NIPBL: variants seen among roughly 807,000 people sequenced by gnomAD.
The protein encoded by NIPBL is nipped-B-like protein.
A neutral mutation model predicts 321.8 loss-of-function variants in NIPBL; 19 were observed. The ratio of observed to expected loss-of-function variants is 0.06; its 90% CI spans 0.04 to 0.09. The LOEUF is 0.09. Ranked by LOEUF, NIPBL falls within the 10% of genes least tolerant of loss-of-function variation. The probability of loss-of-function intolerance (pLI) is 1.00; values close to 1 mark genes in which losing one functional copy is unlikely to be tolerated. For synonymous variants in NIPBL, 1,106 were observed against 1,114.1 expected, an observed-to-expected ratio of 0.99 and a Z score of 0.14; for missense variants, 2,210 against 3,327.0, an observed-to-expected ratio of 0.66 and a Z score of 8.26.
intron 1 of NIPBL, among the ~76,000 whole-genome samples, chr5:36,926,575 T>A (rs1561394397): frequency 1.3e-5 from 2 of 152,230 alleles, no homozygotes; most frequent in Non-Finnish European, 2.9e-5. Context: ...CATGCTTATT[T>A]GAAAGCTGTA....
chr5:36,942,692 G>C (rs974125712), intron 1 of NIPBL, among the ~76,000 whole-genome samples: 5 of 147,196 alleles, frequency 3.4e-5, no homozygotes, highest in African/African-American at 1.0e-4. Context: ...AATGAGCCGA[G>C]ATCGCACCAC....
intron 25 of NIPBL, 80 bp downstream of exon 25, chr5:37,019,480 G>GA (rs1252462342): frequency 4.1e-6 from 4 of 984,272 alleles, no homozygotes; most frequent in Non-Finnish European, 6.5e-6. Context: ...GTAGCATGAT[G>GA]AAGAGGAAAA....
At chr5:37,055,464 T>G (rs183569999) in intron 42 of NIPBL, among the ~76,000 whole-genome samples, 2 of 152,218 alleles carry the variant, frequency 1.3e-5, no homozygotes, top group East Asian at 3.9e-4. Flanking sequence ...GGAATATTTT[T>G]ATCTTGAGCA....
In NIPBL at chr5:37,041,726, G is replaced by A. The variant is rs186894244; in HGVS notation, c.6109-2621G>A. On this transcript the variant is annotated intron_variant, in intron 34 of 46. Coordinates refer to ENST00000282516, the MANE Select transcript of NIPBL (RefSeq NM_133433.4). The stretch of plus-strand genomic sequence containing the variant: ...TTTACAGGTGTGCACCACCACACCC[G>A]GCTAATTTTTGTATTTTTAGTAGAG... Among the ~76,000 whole-genome samples, 196 of 151,990 alleles carry A rather than the reference G, an allele frequency of 1.3e-3. 1 individual carries two copies. The highest frequency in any genetic ancestry group is 4.3e-3 in the African/African-American group (179 of 41,492).
chr5:36,906,691 C>T (rs1747665594), intron 1 of NIPBL, among the ~76,000 whole-genome samples: 1 of 152,088 alleles, frequency 6.6e-6, no homozygotes, highest in South Asian at 2.1e-4. Flanking sequence ...TTTATTTTGT[C>T]AAAGTCTAGT....
chr5:37,023,814 C>T (rs1358333381), intron 29 of NIPBL, among the ~76,000 whole-genome samples: 2 of 115,486 alleles, frequency 1.7e-5, no homozygotes, highest in Non-Finnish European at 3.4e-5. Flanking sequence ...AAGGCCTGAT[C>T]GGTTTTGTTA....
chr5:36,976,413 C>A lies in NIPBL; in HGVS notation c.1495+11C>A. The A allele has an allele frequency of 6.2e-7, 1 of 1,600,586 alleles. No homozygotes were observed. The highest frequency in any genetic ancestry group is 1.1e-5 in the South Asian group (1 of 90,988). On this transcript the variant is annotated intron_variant, in intron 9 of 46. Transcript: ENST00000282516. ...AAGTTCAAGATAAAGGTAAAATAAT[C>A]TCATTATTACCACTTCATCATCTGG...
intron 34 of NIPBL, among the ~76,000 whole-genome samples, chr5:37,041,870 A>ATT (rs70976272): frequency 5.8e-4 from 85 of 145,574 alleles, no homozygotes; most frequent in Middle Eastern, 3.8e-3. Context: ...CAGCCACTAC[A>ATT]TTTTTTTTTT....
intron 1 of NIPBL, among the ~76,000 whole-genome samples, chr5:36,896,068 A>C (rs374323439): frequency 0.015 from 1,821 of 119,642 alleles, 35 homozygotes; most frequent in African/African-American, 0.05. Flanking sequence ...TTTAGCACTT[A>C]CATTTAATAC....
At chr5:36,887,404 C>T (rs1027278875) in intron 1 of NIPBL, among the ~76,000 whole-genome samples, 2 of 152,196 alleles carry the variant, frequency 1.3e-5, no homozygotes, top group Admixed American at 6.5e-5. Flanking sequence ...ATAACAGTCA[C>T]AGCCTCTCTT....
chr5:37,027,474 GT>G (rs75728277), intron 32 of NIPBL, 62 bp downstream of exon 32: 67,611 of 852,350 alleles, frequency 0.079, 2 homozygotes, highest in South Asian at 0.1. Flanking sequence ...TGTTGTTGGT[GT>G]TTTTTTTTTT....
chr5:36,885,617 C>T, intron 1 of NIPBL: 1 of 534,316 alleles, frequency 1.9e-6, no homozygotes, highest in Non-Finnish European at 3.7e-6. Flanking sequence ...TCTGAGGGCT[C>T]AGATCTTTGC....
chr5:37,006,415 C>A lies in NIPBL; in HGVS notation c.3914C>A (p.Thr1305Lys), dbSNP rs1419407546. 2.5e-6 allele frequency: 4 copies of A among 1,612,414 alleles called. No homozygotes were observed. Among genetic ancestry groups the A allele is most frequent in the Non-Finnish European group, 3.4e-6 (4 of 1,178,766 alleles). Residue 1305 changes from threonine (T) to lysine (K), a missense_variant, in exon 17 of 47, where the codon ACA becomes AAA. Coordinates refer to ENST00000282516, the MANE Select transcript of NIPBL (RefSeq NM_133433.4). ...LWRDLIMERV[T>K]KSADACLTTI... The stretch of plus-strand genomic sequence containing the variant: ...AGAGACCTTATTATGGAGAGAGTTA[C>A]AAAATCAGCGGATGCTTGTCTTACA...
rs749041461 is a variant in NIPBL, at chr5:37,044,375, A to G, written c.6137A>G (p.Asn2046Ser). 5 of 1,613,990 alleles carry G rather than the reference A, an allele frequency of 3.1e-6. No homozygotes were observed. Among genetic ancestry groups the G allele is most frequent in the East Asian group, 2.2e-5 (1 of 44,832 alleles). Reference sequence around the variant, plus strand: ...CAAAATGATTTCATGGTTATCTGCAATGTTGCAAAAATCCTAGAGCTAGTT... The same window carrying G: ...CAAAATGATTTCATGGTTATCTGCAGTGTTGCAAAAATCCTAGAGCTAGTT... ...STQNDFMVIC[N>S]VAKILELVVP... Residue 2046 changes from asparagine to serine, a missense_variant, in exon 35 of 47, where the codon AAT (asparagine) becomes AGT (serine). Coordinates refer to ENST00000282516, the MANE Select transcript of NIPBL (RefSeq NM_133433.4).
In NIPBL at chr5:37,065,100, T is replaced by C; in HGVS notation, c.*208T>C. On this transcript the variant is annotated 3_prime_UTR_variant, in exon 47 of 47. Transcript: ENST00000282516. ...CAGAAACAGATTCTCAGTTCATTTT[T>C]ACTCCCACTGTATTATAGTTTAACA... The C allele has an allele frequency of 1.6e-6, 1 of 613,972 alleles. No homozygotes were observed. The highest frequency in any genetic ancestry group is 2.8e-6 in the Non-Finnish European group (1 of 351,930). The allele number at this position is 613,972 out of a possible 1,614,324, so 38.0% of individuals were successfully genotyped here.
intron 9 of NIPBL, among the ~76,000 whole-genome samples, chr5:36,983,783 T>C (rs1744412480): frequency 6.6e-6 from 1 of 151,992 alleles, no homozygotes; most frequent in South Asian, 2.1e-4. Context: ...TACCTTCACA[T>C]TTTATTGTAA....
At chr5:37,028,264 T>C (rs1750540498) in intron 32 of NIPBL, among the ~76,000 whole-genome samples, 1 of 151,850 alleles carries the variant, frequency 6.6e-6, no homozygotes. Flanking sequence ...TTTCCCAGTC[T>C]TGTTATAGCT....
intron 1 of NIPBL, among the ~76,000 whole-genome samples, chr5:36,913,570 A>G (rs1261429829): frequency 6.6e-6 from 1 of 151,912 alleles, no homozygotes; most frequent in Non-Finnish European, 1.5e-5. Flanking sequence ...TTCTGTAGAG[A>G]AACTCCCAAT....
In NIPBL at chr5:37,064,923, AATTTTTT is replaced by A. The variant is rs1755235287; in HGVS notation, c.*32_*38del. 1 of 1,613,726 alleles carries A rather than the reference AATTTTTT, an allele frequency of 6.2e-7. No individual in the cohort carries two copies. The highest frequency in any genetic ancestry group is 1.7e-5 in the Admixed American group (1 of 59,970). On this transcript the variant is annotated 3_prime_UTR_variant, in exon 47 of 47. Transcript: ENST00000282516. ...TTGTACATGCAGCCAAATTTACAGGAATTTTTTTAAAAGGCAGAAAAACTTGAAATAC... is the reference window on the plus strand; with the variant it reads ...TTGTACATGCAGCCAAATTTACAGGATAAAAGGCAGAAAAACTTGAAATAC...
Sources: gnomAD v4.1 joint callset for allele counts (sites outside exome capture counted in the v4.1 genomes callset) on GRCh38, gnomAD v4.1.1 for gene constraint, MANE v1.5 for transcripts, NCBI Gene and HGNC (gene_info 2026-07-23, HGNC 2026-07-21) for gene names.